The following RANBP3 variants were observed in gnomAD, a reference collection of about 807,000 sequenced individuals.
RANBP3 encodes RAN binding protein 3.
RANBP3 carries 14 observed loss-of-function variants against 77.3 expected under a neutral mutation model. The ratio of observed to expected loss-of-function variants is 0.18; its 90% CI spans 0.12 to 0.28. The LOEUF is 0.28. RANBP3 is among the 10% of genes least tolerant of loss of function. The pLI is 1.00. For missense variants in RANBP3, 586 were observed against 752.3 expected, an observed-to-expected ratio of 0.78 and a Z score of 2.59; for synonymous variants, 315 against 312.4, an observed-to-expected ratio of 1.01 and a Z score of -0.09.
At position 5,917,172 on chromosome 19, in the gene RANBP3, T is replaced by C. The variant is rs2144993706; in HGVS notation, c.*438A>G. The C allele has an allele frequency of 4.1e-6, 1 of 244,022 alleles. No individual in the cohort carries two copies. Among genetic ancestry groups the C allele is most frequent in the Non-Finnish European group, 8.2e-6 (1 of 122,194 alleles). The allele number at this position is 244,022 out of a possible 1,614,324, so 15.1% of individuals were successfully genotyped here. A position where few individuals can be genotyped will look rare whatever the true frequency, so the allele number is the denominator to read the frequency against. ...TCCCAGGCCTATAGTTGGGGAGCCCTGGGCAGGGGCAGAGGGCTGGCTGCT... is the reference window on the plus strand; with the variant it reads ...TCCCAGGCCTATAGTTGGGGAGCCCCGGGCAGGGGCAGAGGGCTGGCTGCT... On this transcript the variant is annotated 3_prime_UTR_variant, in exon 17 of 17. Coordinates refer to ENST00000340578, the MANE Select transcript of RANBP3 (RefSeq NM_007322.3).
chr19:5,928,129 C>T lies in RANBP3; in HGVS notation c.694-42G>A, dbSNP rs771100481. 6.3e-6 allele frequency: 10 copies of T among 1,590,736 alleles called. No individual in the cohort carries two copies. In the Admixed American group the frequency reaches 1.1e-4, roughly 17 times the overall value. Reference sequence around the variant, plus strand: ...CAAAACAGAGTAATCAAAACCAGTGCCACACTTGGCCCAGACGGATGCCCA... The same window carrying T: ...CAAAACAGAGTAATCAAAACCAGTGTCACACTTGGCCCAGACGGATGCCCA... On this transcript the variant is annotated intron_variant, in intron 8 of 16. Transcript: ENST00000340578.
chr19:5,921,382 CCT>C lies in RANBP3; in HGVS notation c.1210-63_1210-62del. ...AGCTGGTGTCCTGCTGCAGCCACACCCTGAGAGTCGCCCTTTAGCCTGTGGGG... is the reference window on the plus strand; with the variant it reads ...AGCTGGTGTCCTGCTGCAGCCACACCGAGAGTCGCCCTTTAGCCTGTGGGG... On this transcript the variant is annotated intron_variant, in intron 13 of 16. Transcript: ENST00000340578. The surrounding 1 kb of genome is among the most constrained non-coding windows in gnomAD (Gnocchi z 5.3). 1 of 1,598,028 alleles carries C rather than the reference CCT, an allele frequency of 6.3e-7. No individual in the cohort carries two copies.
chr19:5,948,898 C>T (rs1159005095), intron 3 of RANBP3, among the ~76,000 whole-genome samples: 4 of 152,214 alleles, frequency 2.6e-5, no homozygotes, highest in African/African-American at 9.7e-5. Flanking sequence ...GCTTTCTCCA[C>T]ATCAAACAGA....
At chr19:5,925,448 A>G in intron 10 of RANBP3, 186 bp downstream of exon 10, 4 of 610,716 alleles carry the variant, frequency 6.5e-6, no homozygotes, top group Non-Finnish European at 1.2e-5. Context: ...GAATCCCAGG[A>G]CAAGGCCCAC....
In RANBP3 at chr19:5,921,382, C is replaced by A. The variant is rs563835470; in HGVS notation, c.1210-61G>T. The A allele has an allele frequency of 5.7e-4, 910 of 1,598,026 alleles. 5 individuals carry two copies. Among genetic ancestry groups the A allele is most frequent in the Middle Eastern group, 5.0e-4 (3 of 5,996 alleles). On this transcript the variant is annotated intron_variant, in intron 13 of 16. Coordinates refer to ENST00000340578, the MANE Select transcript of RANBP3 (RefSeq NM_007322.3). The surrounding 1 kb of genome is among the most constrained non-coding windows in gnomAD (Gnocchi z 5.3). ...AGCTGGTGTCCTGCTGCAGCCACACCCTGAGAGTCGCCCTTTAGCCTGTGG... is the reference window on the plus strand; with the variant it reads ...AGCTGGTGTCCTGCTGCAGCCACACACTGAGAGTCGCCCTTTAGCCTGTGG...
chr19:5,964,779 T>TGCTAATGTCCCCAA (rs1265527968), intron 1 of RANBP3, among the ~76,000 whole-genome samples: 1 of 142,658 alleles, frequency 7.0e-6, no homozygotes, highest in Non-Finnish European at 1.5e-5. Context: ...TGCTAATGCT[T>TGCTAATGTCCCCAA]GGGACACGCC....
intron 13 of RANBP3, among the ~76,000 whole-genome samples, chr19:5,922,604 AAT>A (rs1427969316): frequency 6.6e-6 from 1 of 152,224 alleles, no homozygotes; most frequent in Non-Finnish European, 1.5e-5. Flanking sequence ...GCGACAAGAG[AAT>A]ATGTTTGGTA....
chr19:5,957,812 C>T (rs2058353266), intron 2 of RANBP3, 106 bp downstream of exon 2: 4 of 1,220,408 alleles, frequency 3.3e-6, no homozygotes, highest in Admixed American at 3.7e-5. Flanking sequence ...GTCTCCCCGT[C>T]TGTGGGCAGA....
In RANBP3 at chr19:5,959,974, C is replaced by T. The variant is rs1455541710; in HGVS notation, c.23-2001G>A. Among the ~76,000 whole-genome samples, 1 of 152,178 alleles carries T rather than the reference C, an allele frequency of 6.6e-6. No homozygotes were observed. On this transcript the variant is annotated intron_variant, in intron 1 of 16. Coordinates refer to ENST00000340578, the MANE Select transcript of RANBP3 (RefSeq NM_007322.3). This position sits in a 1 kb window ranked among gnomAD's most constrained non-coding sequence, Gnocchi z 5.1. Reference sequence around the variant, plus strand: ...AGCTCAGCCCCAGCTCCAGGCCTGACAAGAAGAGTCCCGCATGCATCGTCT... The same window carrying T: ...AGCTCAGCCCCAGCTCCAGGCCTGATAAGAAGAGTCCCGCATGCATCGTCT...
chr19:5,926,593 G>A (rs2057913101), intron 9 of RANBP3, among the ~76,000 whole-genome samples: 1 of 152,164 alleles, frequency 6.6e-6, no homozygotes, highest in South Asian at 2.1e-4. Context: ...TGCCCTGGAA[G>A]GAGAGGCTGG....
At chr19:5,966,982 C>A (rs982970176) in intron 1 of RANBP3, among the ~76,000 whole-genome samples, 1 of 152,254 alleles carries the variant, frequency 6.6e-6, no homozygotes, top group Non-Finnish European at 1.5e-5. Context: ...GACACGATCA[C>A]AACCCTTCAA....
intron 3 of RANBP3, among the ~76,000 whole-genome samples, chr19:5,946,926 C>A (rs1205970525): frequency 6.6e-6 from 1 of 152,232 alleles, no homozygotes; most frequent in Non-Finnish European, 1.5e-5. Flanking sequence ...CCAAACAAGG[C>A]AGTGGGTCCT....
At chr19:5,951,967 A>G (rs979832388) in intron 2 of RANBP3, among the ~76,000 whole-genome samples, 17 of 152,174 alleles carry the variant, frequency 1.1e-4, no homozygotes, top group African/African-American at 4.1e-4. Flanking sequence ...CAGGATCTCA[A>G]AAATACTGAA....
chr19:5,930,841 T>C (rs2057979667), intron 8 of RANBP3, among the ~76,000 whole-genome samples: 2 of 152,172 alleles, frequency 1.3e-5, no homozygotes, highest in East Asian at 3.8e-4. Flanking sequence ...AGTGCTGAGA[T>C]TGCAGGTGTG....
At chr19:5,928,683 C>T (rs901544459) in intron 8 of RANBP3, among the ~76,000 whole-genome samples, 7 of 152,008 alleles carry the variant, frequency 4.6e-5, no homozygotes, top group South Asian at 2.1e-4. Context: ...GGAGGTTACC[C>T]GGGAACCTCT....
At position 5,917,468 on chromosome 19, in the gene RANBP3, G is replaced by T; in HGVS notation, c.*142C>A. ...TCCCGAGTCTGCTTTTGAACAGGAC[G>T]TGCGGGTCCAGACTGTGGCCGGCCC... is the stretch of plus-strand genomic sequence containing the variant. On this transcript the variant is annotated 3_prime_UTR_variant, in exon 17 of 17. Coordinates refer to ENST00000340578, the MANE Select transcript of RANBP3 (RefSeq NM_007322.3). 1.1e-6 allele frequency: 1 copy of T among 900,776 alleles called. No individual in the cohort carries two copies. Among genetic ancestry groups the T allele is most frequent in the Non-Finnish European group, 1.6e-6 (1 of 607,990 alleles). 55.8% of individuals were successfully genotyped at this position (900,776 alleles called of 1,614,324 possible).
At position 5,920,390 on chromosome 19, in the gene RANBP3, G is replaced by GA. The variant is rs937852975; in HGVS notation, c.1330+810dup. Among the ~76,000 whole-genome samples the GA allele has an allele frequency of 1.1e-4, 17 of 151,752 alleles. No individual in the cohort carries two copies. The South Asian group carries it at 2.9e-3, about 26-fold the overall frequency. ...GATGGAGTGAAATCAGCTTTAGAAG[G>GA]AAAAAAAAGACACGCCCACATTTCA... On this transcript the variant is annotated intron_variant, in intron 14 of 16. Transcript: ENST00000340578.
chr19:5,932,650 A>G, intron 6 of RANBP3, 106 bp from the exon 7 acceptor site: 4 of 825,908 alleles, frequency 4.8e-6, no homozygotes, highest in Admixed American at 2.6e-5. Flanking sequence ...TGCAGGCTAG[A>G]CTTTGCAGGG....
chr19:5,948,656 C>T (rs1312369728), intron 3 of RANBP3, among the ~76,000 whole-genome samples: 1 of 152,090 alleles, frequency 6.6e-6, no homozygotes, highest in Non-Finnish European at 1.5e-5. Flanking sequence ...AGGGCAGGCC[C>T]TGAGAAAAGC....
Sources: allele counts gnomAD v4.1 joint callset (sites outside exome capture counted in the v4.1 genomes callset), GRCh38; gene constraint gnomAD v4.1.1; non-coding constraint Gnocchi (gnomAD v3.1); transcripts MANE v1.5; gene names NCBI Gene and HGNC (gene_info 2026-07-23, HGNC 2026-07-21).